The following IBTK variants were observed in gnomAD, a reference collection of about 807,000 sequenced individuals.
The protein encoded by IBTK is BTK-binding protein.
In IBTK, 83 loss-of-function variants were observed where a neutral mutation model predicts 154.9. The ratio of observed to expected loss-of-function variants is 0.54; its 90% confidence interval spans 0.45 to 0.64. The LOEUF (loss-of-function observed/expected upper bound fraction) is 0.64, where lower values mean the gene tolerates loss of function less well. Ranked by LOEUF, IBTK falls within the 30% of genes least tolerant of loss-of-function variation. The pLI is 0.00. For synonymous variants in IBTK, 515 were observed against 536.1 expected (o/e 0.96, Z 0.54); for missense variants, 1,332 against 1,584.6 (o/e 0.84, Z 2.71).
chr6:82,182,020 G>C lies in IBTK; in HGVS notation c.3584C>G (p.Ser1195Cys), dbSNP rs1024634970. 9.4e-6 allele frequency: 15 copies of C among 1,591,820 alleles called. No individual in the cohort carries two copies. The highest frequency in any genetic ancestry group is 1.3e-5 in the Non-Finnish European group (15 of 1,175,578). Reference sequence around the variant, plus strand: ...TGACTTGGATGAAACTGAATGCAGAGAAGATGCCCTGCAAAAGAAAGCAAA... The same window carrying C: ...TGACTTGGATGAAACTGAATGCAGACAAGATGCCCTGCAAAAGAAAGCAAA... ...APKPVNAWAS[S>C]LHSVSSKSFR... Residue 1195 changes from serine (S) to cysteine (C), a missense_variant, in exon 26 of 29, where the codon TCT (serine) becomes TGT (cysteine). Around this residue, in one of 3 missense-constraint regions of IBTK, gnomAD observed 1,134 missense variants for 1,274.7 expected, o/e 0.89. Coordinates refer to ENST00000306270, the MANE Select transcript of IBTK (RefSeq NM_015525.4).
chr6:82,174,931 T>C (rs777226926), intron 26 of IBTK: 1 of 455,940 alleles, frequency 2.2e-6, no homozygotes, highest in South Asian at 1.6e-5. Flanking sequence ...TTCTGGAATA[T>C]ATTCCACTTC....
chr6:82,224,538 T>C (rs971169664), intron 6 of IBTK, among the ~76,000 whole-genome samples: 5 of 152,280 alleles, frequency 3.3e-5, no homozygotes, highest in African/African-American at 1.2e-4. Context: ...CTAAATTAGA[T>C]ATTTCCATGG....
intron 6 of IBTK, among the ~76,000 whole-genome samples, chr6:82,225,083 T>C (rs923398773): frequency 2.0e-5 from 3 of 151,618 alleles, no homozygotes; most frequent in African/African-American, 7.3e-5. Context: ...GCAGATCACC[T>C]GAGGTCAGGA....
In IBTK at chr6:82,223,567, A is replaced by G. The variant is rs1200145027; in HGVS notation, c.997T>C (p.Ser333Pro). The change falls in exon 8 of 29, where the codon TCT becomes CCT. Residue 333 changes from serine to proline, a missense_variant. By Grantham distance (74) the Ser-to-Pro change is moderately conservative (BLOSUM62 -1). Coordinates refer to ENST00000306270, the MANE Select transcript of IBTK (RefSeq NM_015525.4). ...EKCVTAPRQV[S>P]ALHHKDIALS... ...GCAATGTCTTTATGGTGAAGGGCAG[A>G]GACCTGACGAGGAGCAGTTACACAC... 8 of 1,614,022 alleles carry G rather than the reference A, an allele frequency of 5.0e-6. No individual in the cohort carries two copies. The highest frequency in any genetic ancestry group is 6.8e-6 in the Non-Finnish European group (8 of 1,179,978).
At chr6:82,190,993 G>A in intron 25 of IBTK, 80 bp downstream of exon 25, 1 of 981,118 alleles carries the variant, frequency 1.0e-6, no homozygotes, top group Non-Finnish European at 1.4e-6. Context: ...ACTGGAAGTG[G>A]GAAGGAACTC....
intron 16 of IBTK, among the ~76,000 whole-genome samples, chr6:82,209,847 C>T (rs1462606168): frequency 6.6e-6 from 1 of 152,148 alleles, no homozygotes. Flanking sequence ...TACAAGACTA[C>T]CCAGATTTCC....
chr6:82,181,822 A>G, intron 26 of IBTK, 57 bp downstream of exon 26: 8 of 1,244,236 alleles, frequency 6.4e-6, no homozygotes, highest in Non-Finnish European at 8.8e-6. Context: ...AGAACATAAA[A>G]CCACCACAGA....
intron 1 of IBTK, among the ~76,000 whole-genome samples, chr6:82,244,177 C>A (rs1353657410): frequency 6.6e-6 from 1 of 152,160 alleles, no homozygotes; most frequent in East Asian, 1.9e-4. Context: ...TGGTACCTGG[C>A]ACTAAATATG....
intron 25 of IBTK, among the ~76,000 whole-genome samples, chr6:82,184,568 T>C (rs1275119043): frequency 2.0e-5 from 3 of 152,154 alleles, no homozygotes; most frequent in Non-Finnish European, 4.4e-5. Context: ...AAATTTAAAA[T>C]TTGCCTGGTT....
intron 3 of IBTK, among the ~76,000 whole-genome samples, chr6:82,232,444 C>A (rs1461562527): frequency 2.6e-5 from 4 of 152,138 alleles, no homozygotes; most frequent in Admixed American, 6.5e-5. Context: ...GCCCATTAAA[C>A]TGGAATACAA....
intron 4 of IBTK, 70 bp from the exon 5 acceptor site, chr6:82,227,372 T>C (rs1770335495): frequency 2.3e-6 from 2 of 880,078 alleles, no homozygotes; most frequent in East Asian, 2.9e-5. Flanking sequence ...GAAAAAGAAA[T>C]AGAATATTGT....
chr6:82,201,233 A>T (rs1769197795), intron 19 of IBTK, among the ~76,000 whole-genome samples, 189 bp downstream of exon 19: 1 of 152,116 alleles, frequency 6.6e-6, no homozygotes, highest in African/African-American at 2.4e-5. Flanking sequence ...TAACTTTATT[A>T]TTAAGTATCT....
At chr6:82,216,773 A>C (rs1769891418) in intron 10 of IBTK, among the ~76,000 whole-genome samples, 4 of 152,158 alleles carry the variant, frequency 2.6e-5, no homozygotes, top group Admixed American at 2.6e-4. Context: ...AGTGAAGAAG[A>C]CAGACATGTG....
chr6:82,204,907 A>C lies in IBTK; in HGVS notation c.2561T>G (p.Leu854Arg). 2 of 1,609,766 alleles carry C rather than the reference A, an allele frequency of 1.2e-6. No individual in the cohort carries two copies. The highest frequency in any genetic ancestry group is 1.7e-6 in the Non-Finnish European group (2 of 1,177,932). ...ICSVLVVADQ[L>R]LITRLKEICE... ...AATCTCTTTCAACCGGGTTATGAGA[A>C]GTTGATCAGCCACCACAAGAACACT... is the stretch of plus-strand genomic sequence containing the variant. Residue 854 changes from leucine (L) to arginine (R), a missense_variant, in exon 17 of 29, where the codon CTT (leucine) becomes CGT (arginine). Leu to Arg is a moderately radical substitution (Grantham distance 102). Around this residue, in one of 3 missense-constraint regions of IBTK, gnomAD observed 1,134 missense variants for 1,274.7 expected, o/e 0.89. Transcript: ENST00000306270.
intron 15 of IBTK, 93 bp downstream of exon 15, chr6:82,211,274 C>G: frequency 1.1e-6 from 1 of 947,734 alleles, no homozygotes; most frequent in Non-Finnish European, 1.6e-6. Flanking sequence ...GCTAAAATAT[C>G]CAGTTCTGAT....
intron 2 of IBTK, among the ~76,000 whole-genome samples, chr6:82,239,316 G>A (rs1414664804): frequency 1.3e-5 from 2 of 151,834 alleles, no homozygotes; most frequent in African/African-American, 4.8e-5. Flanking sequence ...GGTGGTGGGT[G>A]CCTGTAGTCC....
intron 25 of IBTK, 52 bp downstream of exon 25, chr6:82,191,021 T>C (rs1768745643): frequency 4.4e-6 from 6 of 1,366,416 alleles, no homozygotes; most frequent in African/African-American, 3.0e-5. Flanking sequence ...AAGTACTACC[T>C]TAAAAGCAAA....
intron 16 of IBTK, 104 bp downstream of exon 16, chr6:82,210,710 C>G (rs1769602629): frequency 2.1e-6 from 1 of 476,740 alleles, no homozygotes; most frequent in South Asian, 4.2e-5. Context: ...ATAAATTAAG[C>G]CTTTATTGAT....
chr6:82,182,790 AT>A (rs1256953135), intron 25 of IBTK, among the ~76,000 whole-genome samples: 1 of 152,226 alleles, frequency 6.6e-6, no homozygotes, highest in African/African-American at 2.4e-5. Flanking sequence ...GTAGCTTGTT[AT>A]TTGAAACAAT....
Sources: gnomAD v4.1 joint callset for allele counts (sites outside exome capture counted in the v4.1 genomes callset) on GRCh38, gnomAD v4.1.1 for gene constraint, gnomAD v4.1.1 regional missense constraint, MANE v1.5 for transcripts, NCBI Gene and HGNC (gene_info 2026-07-23, HGNC 2026-07-21) for gene names.